ZNF792: variants seen among roughly 807,000 people sequenced by gnomAD.
The protein encoded by ZNF792 is zinc finger protein 792.
A neutral mutation model predicts 13.1 loss-of-function variants in ZNF792; 14 were observed. The ratio of observed to expected loss-of-function variants is 1.07; its 90% CI spans 0.71 to 1.67. The LOEUF (loss-of-function observed/expected upper bound fraction) is 1.67. ZNF792 is among the 40% of genes most tolerant of loss of function. ZNF792 has a pLI of 0.00. For synonymous variants in ZNF792, 257 were observed against 292.0 expected (o/e 0.88, Z 1.22); for missense variants, 740 against 807.9 (o/e 0.92, Z 1.02).
intron 1 of ZNF792, among the ~76,000 whole-genome samples, chr19:34,962,363 C>A (rs963746942): frequency 2.6e-5 from 4 of 152,160 alleles, no homozygotes; most frequent in Non-Finnish European, 5.9e-5. Flanking sequence ...AGGCTTCAGG[C>A]GTGCCCTGGT....
chr19:34,958,668 C>A lies in ZNF792; in HGVS notation c.1187G>T (p.Cys396Phe). 1.2e-6 allele frequency: 2 copies of A among 1,614,174 alleles called. No homozygotes were observed. The highest frequency in any genetic ancestry group is 1.7e-6 in the Non-Finnish European group (2 of 1,180,008). Residue 396 changes from cysteine to phenylalanine, a missense_variant, in exon 4 of 4, where the codon TGC becomes TTC. Coordinates refer to ENST00000404801, the MANE Select transcript of ZNF792 (RefSeq NM_175872.5). ...RVHTGRSAHE[C>F]SECGKSFNCN... ...GTTGAAAGATTTCCCACATTCACTG[C>A]ACTCATGGGCACTTCTGCCCGTATG...
intron 1 of ZNF792, 52 bp downstream of exon 1, chr19:34,963,578 G>A (rs146078646): frequency 6.3e-7 from 1 of 1,584,238 alleles, no homozygotes; most frequent in Admixed American, 1.8e-5. Flanking sequence ...TCAACACCGA[G>A]AACAGAAGCG....
rs747444990 is a variant in ZNF792 at position 34,957,994 on chromosome 19, G to T, written c.1861C>A (p.Leu621Ile). Residue 621 changes from leucine to isoleucine, a missense_variant, in exon 4 of 4, where the codon CTT becomes ATT. Leu to Ile is a conservative substitution (Grantham distance 5). Transcript: ENST00000404801. Reference sequence around the variant, plus strand: ...CCAGGGTGGGTACTTGGATGAACAAGTTTCAACTTGTAGTTGACAGCGCCC... The same window carrying T: ...CCAGGGTGGGTACTTGGATGAACAATTTTCAACTTGTAGTTGACAGCGCCC... Reference protein sequence around the residue: ...YQGAVNYKLKLVHPSTHPGEV... With the variant: ...YQGAVNYKLKIVHPSTHPGEV... The T allele has an allele frequency of 2.5e-5, 40 of 1,612,538 alleles. No homozygotes were observed. The highest frequency in any genetic ancestry group is 3.3e-5 in the Non-Finnish European group (39 of 1,179,222).
At position 34,957,617 on chromosome 19, in the gene ZNF792, A is replaced by G; in HGVS notation, c.*339T>C. On this transcript the variant is annotated 3_prime_UTR_variant, in exon 4 of 4. Transcript: ENST00000404801. The stretch of plus-strand genomic sequence containing the variant: ...ACATGAGACCAACAATGTCCCAGAA[A>G]AAGGGAAACCTTCTCTAGAACAAGC... 1 of 250,344 alleles carries G rather than the reference A, an allele frequency of 4.0e-6. No individual in the cohort carries two copies. The highest frequency in any genetic ancestry group is 1.2e-4 in the South Asian group (1 of 8,406). The allele number at this position is 250,344 out of a possible 1,614,324, so 15.5% of individuals were successfully genotyped here.
rs1201110638 is a variant in ZNF792 at position 34,959,458 on chromosome 19, G to A, written c.397C>T (p.Pro133Ser). ...EATLCPQKTC[P>S]CDICGLRLKD... The stretch of plus-strand genomic sequence containing the variant: ...AAACGTAGGCCACATATGTCACAGG[G>A]GCAGGTCTTCTGGGGGCACAGAGTT... Residue 133 changes from proline (P) to serine (S), a missense_variant, in exon 4 of 4, where the codon CCC becomes TCC. Physicochemically the swap from Pro to Ser is moderately conservative, Grantham distance 74. Transcript: ENST00000404801. 6.2e-7 allele frequency: 1 copy of A among 1,613,772 alleles called. No homozygotes were observed. The highest frequency in any genetic ancestry group is 8.5e-7 in the Non-Finnish European group (1 of 1,179,838).
In ZNF792 at chr19:34,960,286, C is replaced by T; in HGVS notation, c.232G>A (p.Val78Met). ...CTGGCCATGGCTGATGTCATATCCA[C>T]ACTGTCAGGCACCCAGGGCTCTTTC... ...MGKEPWVPDS[V>M]DMTSAMARGA... Residue 78 changes from valine to methionine, a missense_variant, in exon 3 of 4, where the codon GTG becomes ATG. Transcript: ENST00000404801. The T allele has an allele frequency of 6.2e-7, 1 of 1,613,948 alleles. No homozygotes were observed. Among genetic ancestry groups the T allele is most frequent in the Non-Finnish European group, 8.5e-7 (1 of 1,179,848 alleles).
rs757578165 is a variant in ZNF792 at position 34,959,181 on chromosome 19, A to C, written c.674T>G (p.Phe225Cys). The change falls in exon 4 of 4, where the codon TTT becomes TGT. Residue 225 changes from phenylalanine to cysteine, a missense_variant. Physicochemically the swap from Phe to Cys is radical, Grantham distance 205. Coordinates refer to ENST00000404801, the MANE Select transcript of ZNF792 (RefSeq NM_175872.5). ...GCTGGGAGTGACCTCACACTGCAGA[A>C]ACCCTGCTGTGGCCACAAAGTCCTT... ...GGKDFVATAGFLQCEVTPSDG... is the reference protein window; with the variant it reads ...GGKDFVATAGCLQCEVTPSDG... 3 of 1,613,888 alleles carry C rather than the reference A, an allele frequency of 1.9e-6. No individual in the cohort carries two copies. Among genetic ancestry groups the C allele is most frequent in the African/African-American group, 2.7e-5 (2 of 74,924 alleles).
chr19:34,960,025 G>A (rs971151629), intron 3 of ZNF792, among the ~76,000 whole-genome samples: 5 of 152,210 alleles, frequency 3.3e-5, no homozygotes, highest in African/African-American at 9.7e-5. Flanking sequence ...AGAGAGAAAC[G>A]GAGGCCAGAA....
rs1217635853 is a variant in ZNF792 at position 34,963,637 on chromosome 19, G to T, written c.26C>A (p.Pro9His). MAAAALRD[P>H]AQGCVTFEDV... ...TAACGTCCAAGCACTCACCTGCGCG[G>T]GGTCCCGCAGCGCCGCCGCTGCCAT... Residue 9 changes from proline to histidine, a missense_variant, in exon 1 of 4, where the codon CCC (proline) becomes CAC (histidine). Pro to His is a moderately conservative substitution (Grantham distance 77). Coordinates refer to ENST00000404801, the MANE Select transcript of ZNF792 (RefSeq NM_175872.5). 1 of 1,603,038 alleles carries T rather than the reference G, an allele frequency of 6.2e-7. No individual in the cohort carries two copies. Among genetic ancestry groups the T allele is most frequent in the Non-Finnish European group, 8.5e-7 (1 of 1,175,810 alleles).
chr19:34,961,099 GCAGGC>G, intron 1 of ZNF792, 105 bp from the exon 2 acceptor site: 1 of 1,482,050 alleles, frequency 6.7e-7, no homozygotes, highest in Admixed American at 2.1e-5. Flanking sequence ...CCAGGAGGTA[GCAGGC>G]CCTGGTTCTG....
chr19:34,963,706 C>A lies in ZNF792; in HGVS notation c.-44G>T. On this transcript the variant is annotated 5_prime_UTR_variant, in exon 1 of 4. Coordinates refer to ENST00000404801, the MANE Select transcript of ZNF792 (RefSeq NM_175872.5). ...CAGGGCCCCACGGTGCGGGAAACCA[C>A]GGGGCGGGGGTAGGGGGTCTCGCAG... 6.5e-7 allele frequency: 1 copy of A among 1,541,964 alleles called. No homozygotes were observed.
chr19:34,958,428 C>T lies in ZNF792; in HGVS notation c.1427G>A (p.Arg476Gln), dbSNP rs368944966. The T allele has an allele frequency of 6.0e-5, 96 of 1,612,304 alleles. 1 individual carries two copies. Among genetic ancestry groups the T allele is most frequent in the East Asian group, 3.1e-4 (14 of 44,870 alleles). ...CCCACATTCATTGCATTCATAAGGC[C>T]GCTCACCAGTGTGAACTCGCTGATG... ...MKHQRVHTGE[R>Q]PYECNECGKL... The change falls in exon 4 of 4, where the codon CGG becomes CAG. Residue 476 changes from arginine (R) to glutamine (Q), a missense_variant. Arg to Gln is a conservative substitution (Grantham distance 43). Coordinates refer to ENST00000404801, the MANE Select transcript of ZNF792 (RefSeq NM_175872.5).
chr19:34,958,657 C>G lies in ZNF792; in HGVS notation c.1198G>C (p.Gly400Arg). 1 of 1,614,112 alleles carries G rather than the reference C, an allele frequency of 6.2e-7. No individual in the cohort carries two copies. Among genetic ancestry groups the G allele is most frequent in the Non-Finnish European group, 8.5e-7 (1 of 1,179,972 alleles). ...GRSAHECSEC[G>R]KSFNCNSSLI... ...CTGGAGTTGCAGTTGAAAGATTTCC[C>G]ACATTCACTGCACTCATGGGCACTT... The change falls in exon 4 of 4, where the codon GGG becomes CGG. Residue 400 changes from glycine (G) to arginine (R), a missense_variant. Coordinates refer to ENST00000404801, the MANE Select transcript of ZNF792 (RefSeq NM_175872.5).
rs757390463 is a variant in ZNF792, at chr19:34,958,840, C to T, written c.1015G>A (p.Val339Met). Residue 339 changes from valine (V) to methionine (M), a missense_variant, in exon 4 of 4, where the codon GTG (valine) becomes ATG (methionine). By Grantham distance (21) the Val-to-Met change is conservative. Coordinates refer to ENST00000404801, the MANE Select transcript of ZNF792 (RefSeq NM_175872.5). ...AAGAATTTCCCACAGTCACCACACA[C>T]GTGAGGGCTTTCACCGGTGTGAACC... Reference protein sequence around the residue: ...RRVHTGESPHVCGDCGKFFSR... With the variant: ...RRVHTGESPHMCGDCGKFFSR... 8.1e-6 allele frequency: 13 copies of T among 1,612,414 alleles called. No homozygotes were observed. The highest frequency in any genetic ancestry group is 1.6e-4 in the Middle Eastern group (1 of 6,074).
At position 34,956,788 on chromosome 19, in the gene ZNF792, TTCCTG is replaced by T. The variant is rs1408008479; in HGVS notation, c.*1163_*1167del. 4 of 152,230 alleles carry T rather than the reference TTCCTG, an allele frequency of 2.6e-5. No individual in the cohort carries two copies. The highest frequency in any genetic ancestry group is 5.9e-5 in the Non-Finnish European group (4 of 68,046). 9.4% of individuals were successfully genotyped at this position (152,230 alleles called of 1,614,324 possible). On this transcript the variant is annotated 3_prime_UTR_variant, in exon 4 of 4. Coordinates refer to ENST00000404801, the MANE Select transcript of ZNF792 (RefSeq NM_175872.5). ...GATCTGCTTTTTCTCAGTCCCTATT[TTCCTG>T]CCAGCACAGCACTGGCCTTCAGATG...
rs867072227 is a variant in ZNF792, at chr19:34,957,481, A to T, written c.*475T>A. The T allele has an allele frequency of 6.4e-6, 1 of 156,212 alleles. No homozygotes were observed. The allele number at this position is 156,212 out of a possible 1,614,324, so 9.7% of individuals were successfully genotyped here. ...CACAGTGATCAGAACATGGAAGACTAAAGGCGGCTTTATCATAAGGCCATT... is the reference window on the plus strand; with the variant it reads ...CACAGTGATCAGAACATGGAAGACTTAAGGCGGCTTTATCATAAGGCCATT... On this transcript the variant is annotated 3_prime_UTR_variant, in exon 4 of 4. Coordinates refer to ENST00000404801, the MANE Select transcript of ZNF792 (RefSeq NM_175872.5).
At position 34,958,159 on chromosome 19, in the gene ZNF792, C is replaced by T. The variant is rs536055842; in HGVS notation, c.1696G>A (p.Glu566Lys). Residue 566 changes from glutamate (E) to lysine (K), a missense_variant, in exon 4 of 4, where the codon GAA becomes AAA. Glu to Lys is a moderately conservative substitution (Grantham distance 56). Coordinates refer to ENST00000404801, the MANE Select transcript of ZNF792 (RefSeq NM_175872.5). ...HKPDRPYECSECGKAFNQRPT... is the reference protein window; with the variant it reads ...HKPDRPYECSKCGKAFNQRPT... Reference sequence around the variant, plus strand: ...CTTTGGTTGAAGGCTTTCCCACATTCGCTGCATTCGTAAGGCCTGTCTGGT... The same window carrying T: ...CTTTGGTTGAAGGCTTTCCCACATTTGCTGCATTCGTAAGGCCTGTCTGGT... 60 of 1,611,896 alleles carry T rather than the reference C, an allele frequency of 3.7e-5. No homozygotes were observed. Among genetic ancestry groups the T allele is most frequent in the South Asian group, 1.2e-4 (11 of 90,978 alleles).
intron 1 of ZNF792, among the ~76,000 whole-genome samples, chr19:34,962,910 G>A (rs2013548587): frequency 6.6e-6 from 1 of 152,020 alleles, no homozygotes; most frequent in South Asian, 2.1e-4. Context: ...TCATAAAGCT[G>A]GATTCATCAA....
rs141896283 is a variant in ZNF792 at position 34,958,151 on chromosome 19, C to T, written c.1704G>A (p.Gly568=). The part of the protein sequence containing the change: ...PDRPYECSEC[G]KAFNQRPTLI... ...GGGTAGGCCTTTGGTTGAAGGCTTT[C>T]CCACATTCGCTGCATTCGTAAGGCC... Residue 568 remains glycine, a synonymous_variant, in exon 4 of 4, where the codon GGG becomes GGA. Coordinates refer to ENST00000404801, the MANE Select transcript of ZNF792 (RefSeq NM_175872.5). 3 of 1,611,868 alleles carry T rather than the reference C, an allele frequency of 1.9e-6. No homozygotes were observed. The African/African-American group carries it at 4.0e-5, about 21-fold the overall frequency.
Sources: allele counts gnomAD v4.1 joint callset (sites outside exome capture counted in the v4.1 genomes callset), GRCh38; gene constraint gnomAD v4.1.1; transcripts MANE v1.5; gene names NCBI Gene and HGNC (gene_info 2026-07-23, HGNC 2026-07-21).